Variants in KCNMB2 observed in about 807,000 individuals in gnomAD.
The protein encoded by KCNMB2 is potassium calcium-activated channel subfamily M regulatory beta subunit 2, also known as calcium-activated potassium channel subunit beta-2.
A neutral mutation model predicts 24.5 loss-of-function variants in KCNMB2; 9 were observed. The observed-to-expected ratio is 0.37, with a 90% CI of 0.22 to 0.64. The LOEUF (loss-of-function observed/expected upper bound fraction) is 0.64. Ranked by LOEUF, KCNMB2 falls within the 30% of genes least tolerant of loss-of-function variation. The probability of loss-of-function intolerance (pLI) is 0.63; values close to 1 mark genes in which losing one functional copy is unlikely to be tolerated. For missense variants in KCNMB2, 226 were observed against 284.3 expected (o/e 0.79, Z 1.47); for synonymous variants, 109 against 104.4 (o/e 1.04, Z -0.27).
At chr3:178,645,297 G>A (rs781161724) in intron 1 of KCNMB2, among the ~76,000 whole-genome samples, 32 of 152,044 alleles carry the variant, frequency 2.1e-4, no homozygotes, top group Non-Finnish European at 3.8e-4. Flanking sequence ...CAATCTGCCC[G>A]CCTCGGCCTC....
rs138433184 is a variant in KCNMB2, at chr3:178,595,738, C to T, written c.-68+59027C>T. On this transcript the variant is annotated intron_variant, in intron 1 of 4. Coordinates refer to ENST00000452583, the MANE Select transcript of KCNMB2 (RefSeq NM_181361.3). ...ATGCTGAGCTGTGAGTCAATTAAAC[C>T]TCTTTCCTTTATAAATTACCCAGTC... 1.6e-3 allele frequency among the ~76,000 whole-genome samples: 244 copies of T among 152,200 alleles called. 6 individuals are homozygous for T. The highest frequency in any genetic ancestry group is 5.5e-3 in the African/African-American group (227 of 41,528).
intron 1 of KCNMB2, among the ~76,000 whole-genome samples, chr3:178,747,631 C>T (rs1723713276): frequency 6.6e-6 from 1 of 152,186 alleles, no homozygotes; most frequent in South Asian, 2.1e-4. Context: ...CCATTTCACT[C>T]CAAAACCTAT....
At chr3:178,632,911 C>A (rs1560140203) in intron 1 of KCNMB2, among the ~76,000 whole-genome samples, 1 of 152,158 alleles carries the variant, frequency 6.6e-6, no homozygotes, top group Non-Finnish European at 1.5e-5. Context: ...GGTCAATACA[C>A]CCATTCCAAA....
chr3:178,806,094 AT>A (rs1713956958), intron 1 of KCNMB2, among the ~76,000 whole-genome samples: 2 of 152,326 alleles, frequency 1.3e-5, no homozygotes, highest in South Asian at 4.1e-4. Context: ...GCGCATGTGA[AT>A]AGCCACTGCA....
intron 1 of KCNMB2, among the ~76,000 whole-genome samples, chr3:178,661,769 TAAC>T (rs1238787539): frequency 6.6e-6 from 1 of 152,174 alleles, no homozygotes; most frequent in African/African-American, 2.4e-5. Context: ...ATCAGACTTT[TAAC>T]AAGATTCTCC....
chr3:178,817,972 A>C (rs1014158407), intron 2 of KCNMB2, among the ~76,000 whole-genome samples: 6 of 152,226 alleles, frequency 3.9e-5, no homozygotes, highest in African/African-American at 1.4e-4. Context: ...GAGAGGCACA[A>C]ACATAAATAT....
At chr3:178,634,644 G>A (rs1176997088) in intron 1 of KCNMB2, among the ~76,000 whole-genome samples, 1 of 152,066 alleles carries the variant, frequency 6.6e-6, no homozygotes, top group Non-Finnish European at 1.5e-5. Context: ...TGTGGGTGGG[G>A]ATACAACAAA....
chr3:178,642,806 T>C (rs1406151773), intron 1 of KCNMB2, among the ~76,000 whole-genome samples: 1 of 152,236 alleles, frequency 6.6e-6, no homozygotes, highest in African/African-American at 2.4e-5. Flanking sequence ...TTTGGTCTTA[T>C]TTGATCTACT....
chr3:178,676,965 C>A (rs548549157), intron 1 of KCNMB2, among the ~76,000 whole-genome samples: 70 of 152,246 alleles, frequency 4.6e-4, no homozygotes, highest in Admixed American at 1.1e-3. Context: ...GAACAGACCA[C>A]CCTAGGCCAT....
chr3:178,556,120 T>C lies in KCNMB2; in HGVS notation c.-68+19409T>C, dbSNP rs80137541. On this transcript the variant is annotated intron_variant, in intron 1 of 4. Transcript: ENST00000452583. ...ACTGGAAGGACAGTGCTGACTGAAG[T>C]TCAGCAGGACGTCACAGAGAAGGGG... Among the ~76,000 whole-genome samples the C allele has an allele frequency of 2.9e-4, 44 of 152,128 alleles. No individual in the cohort carries two copies. In the East Asian group the frequency reaches 8.5e-3, roughly 29 times the overall value.
intron 1 of KCNMB2, among the ~76,000 whole-genome samples, chr3:178,540,571 A>C (rs1576998127): frequency 6.6e-6 from 1 of 152,164 alleles, no homozygotes; most frequent in African/African-American, 2.4e-5. Flanking sequence ...CACTGCCACC[A>C]CGCTGGCCTC....
intron 1 of KCNMB2, among the ~76,000 whole-genome samples, chr3:178,552,690 C>G (rs1577005644): frequency 6.6e-6 from 1 of 152,118 alleles, no homozygotes; most frequent in African/African-American, 2.4e-5. Context: ...TGTTTTAACT[C>G]AAGCAAATAT....
chr3:178,824,155 G>T (rs73882876), intron 2 of KCNMB2, among the ~76,000 whole-genome samples: 40,046 of 151,828 alleles, frequency 0.26, 7,058 homozygotes, highest in African/African-American at 0.51. Flanking sequence ...CAGCACTTCC[G>T]CATTTCTTTT....
chr3:178,562,456 A>T lies in KCNMB2; in HGVS notation c.-68+25745A>T, dbSNP rs114887420. ...AGTGGTAGCGGTGAAAAAGCAGATA[A>T]GAAAGTAGAGAAGAAGACCCAAGAG... is the stretch of plus-strand genomic sequence containing the variant. On this transcript the variant is annotated intron_variant, in intron 1 of 4. Transcript: ENST00000452583. Among the ~76,000 whole-genome samples, 1,015 of 152,322 alleles carry T rather than the reference A, an allele frequency of 6.7e-3. 19 individuals are homozygous for T. Among genetic ancestry groups the T allele is most frequent in the African/African-American group, 0.023 (954 of 41,570 alleles).
intron 4 of KCNMB2, among the ~76,000 whole-genome samples, chr3:178,836,378 T>C (rs747698637): frequency 1.2e-4 from 18 of 152,152 alleles, no homozygotes; most frequent in Non-Finnish European, 2.5e-4. Context: ...TTGCTGGACC[T>C]TCATTGCCCA....
rs1395628155 is a variant in KCNMB2 at position 178,757,803 on chromosome 3, A to C, written c.-67-49540A>C. Reference sequence around the variant, plus strand: ...ATATATATACATATATCTTATATCCATCCAAGAGGATATATATATACACAT... The same window carrying C: ...ATATATATACATATATCTTATATCCCTCCAAGAGGATATATATATACACAT... On this transcript the variant is annotated intron_variant, in intron 1 of 4. Coordinates refer to ENST00000452583, the MANE Select transcript of KCNMB2 (RefSeq NM_181361.3). Among the ~76,000 whole-genome samples, 2 of 116,514 alleles carry C rather than the reference A, an allele frequency of 1.7e-5. 1 individual carries two copies. The highest frequency in any genetic ancestry group is 3.5e-5 in the Non-Finnish European group (2 of 57,286). 76.4% of individuals were successfully genotyped at this position (116,514 alleles called of 152,430 possible).
chr3:178,828,503 T>G (rs1577220235), intron 4 of KCNMB2, 130 bp downstream of exon 4: 2 of 625,642 alleles, frequency 3.2e-6, no homozygotes, highest in East Asian at 5.7e-5. Flanking sequence ...CCTCTTCCAT[T>G]CAGAGAACTT....
At chr3:178,573,584 A>AAC in intron 1 of KCNMB2, among the ~76,000 whole-genome samples, 1 of 65,372 alleles carries the variant, frequency 1.5e-5, no homozygotes, top group East Asian at 6.2e-4. Context: ...TACAAAACAT[A>AAC]AAAAAAAAAA....
At chr3:178,774,134 C>T (rs1252359014) in intron 1 of KCNMB2, among the ~76,000 whole-genome samples, 5 of 152,200 alleles carry the variant, frequency 3.3e-5, no homozygotes, top group South Asian at 4.1e-4. Flanking sequence ...CCTAAGCCCA[C>T]GAACATGGGC....
Sources: gnomAD v4.1 joint callset for allele counts (sites outside exome capture counted in the v4.1 genomes callset) on GRCh38, gnomAD v4.1.1 for gene constraint, MANE v1.5 for transcripts, NCBI Gene and HGNC (gene_info 2026-07-23, HGNC 2026-07-21) for gene names.